The following NCOA2 variants were observed in gnomAD, a reference collection of about 807,000 sequenced individuals.
NCOA2 encodes the protein class E basic helix-loop-helix protein 75.
Under a neutral mutation model 145.1 loss-of-function variants are expected in NCOA2, and 21 were observed. The ratio of observed to expected loss-of-function variants is 0.14; its 90% CI spans 0.10 to 0.21. NCOA2 has a LOEUF of 0.21. NCOA2 is among the 10% of genes least tolerant of loss of function. The pLI, the probability that NCOA2 is intolerant of heterozygous loss-of-function variation, is 1.00. For missense variants in NCOA2, 1,472 were observed against 1,837.6 expected, an observed-to-expected ratio of 0.80 and a Z score of 3.64; for synonymous variants, 619 against 637.5, an observed-to-expected ratio of 0.97 and a Z score of 0.44.
intron 4 of NCOA2, among the ~76,000 whole-genome samples, chr8:70,180,171 G>A (rs948190872): frequency 1.3e-5 from 2 of 152,208 alleles, no homozygotes; most frequent in Non-Finnish European, 2.9e-5. Context: ...ACTCACAAAA[G>A]ACTTAAAGAA....
intron 22 of NCOA2, among the ~76,000 whole-genome samples, chr8:70,114,898 T>C (rs1806913968): frequency 6.6e-6 from 1 of 152,146 alleles, no homozygotes; most frequent in Non-Finnish European, 1.5e-5. Context: ...AAAGGTGGAA[T>C]TACATTAGCC....
intron 16 of NCOA2, among the ~76,000 whole-genome samples, chr8:70,131,079 C>T (rs1206391017): frequency 5.3e-5 from 8 of 152,084 alleles, no homozygotes; most frequent in Admixed American, 5.2e-4. Context: ...TTTTATATTC[C>T]CATTTACGCT....
chr8:70,144,285 C>T (rs1028682449), intron 13 of NCOA2, among the ~76,000 whole-genome samples: 1 of 152,158 alleles, frequency 6.6e-6, no homozygotes, highest in African/African-American at 2.4e-5. Context: ...ATTCTCCAAA[C>T]ACAAATAATC....
rs115507862 is a variant in NCOA2 at position 70,353,309 on chromosome 8, G to A, written c.-77+50391C>T. Among the ~76,000 whole-genome samples, 867 of 150,684 alleles carry A rather than the reference G, an allele frequency of 5.8e-3. 4 individuals carry two copies. Among genetic ancestry groups the A allele is most frequent in the African/African-American group, 0.02 (807 of 40,890 alleles). The stretch of plus-strand genomic sequence containing the variant: ...CTGTCACCCAGGCTGAAGTGCAGTG[G>A]CACAATCACAGCTCAATGAAGGCTC... On this transcript the variant is annotated intron_variant, in intron 1 of 22. Coordinates refer to ENST00000452400, the MANE Select transcript of NCOA2 (RefSeq NM_006540.4).
chr8:70,197,101 A>G (rs1817408189), intron 4 of NCOA2, among the ~76,000 whole-genome samples: 2 of 152,250 alleles, frequency 1.3e-5, no homozygotes, highest in Non-Finnish European at 2.9e-5. Flanking sequence ...TAACGCTGCT[A>G]AAGAAAAAAG....
In NCOA2 at chr8:70,122,999, T is replaced by C. The variant is rs539730207; in HGVS notation, c.4293+885A>G. 2.6e-5 allele frequency among the ~76,000 whole-genome samples: 4 copies of C among 152,332 alleles called. No individual in the cohort carries two copies. In the East Asian group the frequency reaches 5.8e-4, roughly 22 times the overall value. ...GATCAGTGGTAGAGTGGTCAGCATTTTGGGCCTTTAAAAACAAGATCTTCT... is the reference window on the plus strand; with the variant it reads ...GATCAGTGGTAGAGTGGTCAGCATTCTGGGCCTTTAAAAACAAGATCTTCT... On this transcript the variant is annotated intron_variant, in intron 21 of 22. Coordinates refer to ENST00000452400, the MANE Select transcript of NCOA2 (RefSeq NM_006540.4).
At chr8:70,401,339 T>C (rs543161166) in intron 1 of NCOA2, among the ~76,000 whole-genome samples, 2 of 152,294 alleles carry the variant, frequency 1.3e-5, no homozygotes, top group East Asian at 3.9e-4. Context: ...TTCAGCAGTG[T>C]TTAAGAAAAT....
At chr8:70,119,789 T>C (rs1807581680) in intron 22 of NCOA2, among the ~76,000 whole-genome samples, 1 of 152,196 alleles carries the variant, frequency 6.6e-6, no homozygotes, top group Non-Finnish European at 1.5e-5. Context: ...ATTTCTCTGA[T>C]GATTACTGAT....
chr8:70,352,480 A>C (rs1809334153), intron 1 of NCOA2, among the ~76,000 whole-genome samples: 1 of 152,140 alleles, frequency 6.6e-6, no homozygotes, highest in Non-Finnish European at 1.5e-5. Flanking sequence ...AGTTCTACCA[A>C]TTTTCCTAAT....
rs559680322 is a variant in NCOA2, at chr8:70,321,793, CTTTTTTT to C, written c.-76-25000_-76-24994del. Reference sequence around the variant, plus strand: ...TGCTTTCCTAAGTTTCAGAATATACCTTTTTTTTTTTTTTTTTTTTTTTTTTTTGGTG... The same window carrying C: ...TGCTTTCCTAAGTTTCAGAATATACCTTTTTTTTTTTTTTTTTTTTTGGTG... On this transcript the variant is annotated intron_variant, in intron 1 of 22. Transcript: ENST00000452400. Among the ~76,000 whole-genome samples the C allele has an allele frequency of 2.4e-4, 18 of 73,566 alleles. No individual in the cohort carries two copies. The South Asian group carries it at 3.9e-3, about 16-fold the overall frequency. 48.3% of individuals were successfully genotyped at this position (73,566 alleles called of 152,430 possible).
Position 70,156,459 on chromosome 8 carries a change from T to G in NCOA2, c.1906A>C (p.Lys636Gln). The change falls in exon 11 of 23, where the codon AAA (lysine) becomes CAA (glutamine). Residue 636 changes from lysine (K) to glutamine (Q), a missense_variant. This residue lies in a region of NCOA2 where 953 missense variants were observed against 1,062.1 expected (regional missense o/e 0.90). Transcript: ENST00000452400. The part of the protein sequence containing the change: ...ADGQSRLHDS[K>Q]GQTKLLQLLT... ...AGCTGCAGGAGTTTGGTCTGCCCTT[T>G]GCTGTCATGCAGTCTGCTCTGCCCG... The G allele has an allele frequency of 6.2e-7, 1 of 1,613,960 alleles. No individual in the cohort carries two copies. Among genetic ancestry groups the G allele is most frequent in the Non-Finnish European group, 8.5e-7 (1 of 1,179,890 alleles).
At chr8:70,366,895 T>C (rs1451081719) in intron 1 of NCOA2, among the ~76,000 whole-genome samples, 1 of 152,184 alleles carries the variant, frequency 6.6e-6, no homozygotes, top group South Asian at 2.1e-4. Flanking sequence ...TCTGACCTCG[T>C]AGCTCTGAAA....
intron 4 of NCOA2, among the ~76,000 whole-genome samples, chr8:70,189,581 A>G (rs1236586751): frequency 6.6e-6 from 1 of 152,250 alleles, no homozygotes; most frequent in Non-Finnish European, 1.5e-5. Context: ...CTTCAAGCAC[A>G]TGGGACGAGG....
intron 2 of NCOA2, among the ~76,000 whole-genome samples, chr8:70,225,255 G>A (rs549744903): frequency 1.3e-5 from 2 of 152,166 alleles, no homozygotes; most frequent in East Asian, 3.9e-4. Context: ...GAGGTATAAA[G>A]AAAAACAAGG....
chr8:70,263,735 A>AC (rs1824339600), intron 2 of NCOA2, among the ~76,000 whole-genome samples: 2 of 151,950 alleles, frequency 1.3e-5, no homozygotes, highest in Non-Finnish European at 2.9e-5. Context: ...TCTCAAAAAA[A>AC]AAACAAACAA....
chr8:70,240,171 T>A (rs1004113044), intron 2 of NCOA2, among the ~76,000 whole-genome samples: 69 of 152,196 alleles, frequency 4.5e-4, no homozygotes, highest in Non-Finnish European at 8.2e-4. Flanking sequence ...AGCTTCAGTG[T>A]CATTTCTTGC....
At chr8:70,117,516 T>C (rs1229765600) in intron 22 of NCOA2, among the ~76,000 whole-genome samples, 1 of 152,248 alleles carries the variant, frequency 6.6e-6, no homozygotes, top group Non-Finnish European at 1.5e-5. Context: ...CCACATTGTT[T>C]ATCAATATCT....
At chr8:70,217,877 T>C (rs1819773910) in intron 2 of NCOA2, among the ~76,000 whole-genome samples, 2 of 152,102 alleles carry the variant, frequency 1.3e-5, no homozygotes, top group Admixed American at 1.3e-4. Context: ...TCCTATTCGA[T>C]ACTACTTCCC....
intron 2 of NCOA2, among the ~76,000 whole-genome samples, chr8:70,292,070 G>A (rs1238405545): frequency 1.0e-4 from 14 of 136,388 alleles, no homozygotes; most frequent in Non-Finnish European, 1.9e-4. Flanking sequence ...GCGAGACGCC[G>A]TCTCAAAAAA....
Sources: gnomAD v4.1 joint callset for allele counts (sites outside exome capture counted in the v4.1 genomes callset) on GRCh38, gnomAD v4.1.1 for gene constraint, gnomAD v4.1.1 regional missense constraint, MANE v1.5 for transcripts, NCBI Gene and HGNC (gene_info 2026-07-23, HGNC 2026-07-21) for gene names.